The following PATJ variants were observed in gnomAD, a reference collection of about 807,000 sequenced individuals.
PATJ encodes inaD-like protein.
In PATJ, 190 loss-of-function variants were observed where a neutral mutation model predicts 224.9. The observed-to-expected ratio is 0.84, with a 90% CI of 0.75 to 0.95. The LOEUF (loss-of-function observed/expected upper bound fraction) is 0.95. Among genes scored for constraint, PATJ ranks in the 40% least tolerant of loss-of-function variants. PATJ has a pLI of 0.00. For synonymous variants in PATJ, 769 were observed against 820.3 expected, an observed-to-expected ratio of 0.94 and a Z score of 1.07; for missense variants, 2,121 against 2,270.3, an observed-to-expected ratio of 0.93 and a Z score of 1.34.
Position 62,108,466 on chromosome 1 carries a change from A to AG in PATJ, c.4408dup (p.Glu1470GlyfsTer14), listed in dbSNP as rs1178497159. On this transcript the variant is annotated frameshift_variant, in exon 34 of 44. Transcript: ENST00000642238. LOFTEE classifies it high-confidence loss of function. ...CTATAGTTATCCATGAAGTCTATGA[A>AG]GAAGGGGCAGCAGCCAGAGATGGAA... 3 of 1,610,268 alleles carry AG rather than the reference A, an allele frequency of 1.9e-6. No individual in the cohort carries two copies. The African/African-American group carries it at 4.0e-5, about 21-fold the overall frequency.
In PATJ at chr1:62,144,769, A is replaced by ATATATATATATAT. The variant is rs1180544696; in HGVS notation, c.5272-3515_5272-3514insTATATATATATAT. Among the ~76,000 whole-genome samples the ATATATATATATAT allele has an allele frequency of 5.3e-4, 31 of 58,692 alleles. 1 individual carries two copies. The highest frequency in any genetic ancestry group is 1.8e-3 in the African/African-American group (28 of 15,238). The allele number at this position is 58,692 out of a possible 152,430, so 38.5% of individuals were successfully genotyped here. ...AAATGCTCTAGAATGTTATTTGCAA[A>ATATATATATATAT]AAAAAAAAATATATATATATATATA... On this transcript the variant is annotated intron_variant, in intron 41 of 43. Coordinates refer to ENST00000642238, the MANE Select transcript of PATJ (RefSeq NM_001350145.3).
chr1:62,123,403 T>C (rs1665320987), intron 39 of PATJ, among the ~76,000 whole-genome samples: 1 of 151,770 alleles, frequency 6.6e-6, no homozygotes, highest in Non-Finnish European at 1.5e-5. Context: ...AAGTATTTTT[T>C]GAGAGCATAT....
intron 28 of PATJ, among the ~76,000 whole-genome samples, chr1:62,008,750 A>AAAAT (rs753015582): frequency 2.5e-4 from 38 of 152,304 alleles, no homozygotes; most frequent in East Asian, 1.2e-3. Flanking sequence ...CCCTGACTCA[A>AAAAT]AAATAAATAA....
intron 17 of PATJ, 96 bp downstream of exon 17, chr1:61,833,881 G>A: frequency 9.1e-7 from 1 of 1,094,510 alleles, no homozygotes; most frequent in South Asian, 1.7e-5. Context: ...ATTGACTTAA[G>A]CAAAACTGAA....
At chr1:61,826,493 G>A (rs1279558405) in intron 15 of PATJ, among the ~76,000 whole-genome samples, 1 of 152,198 alleles carries the variant, frequency 6.6e-6, no homozygotes, top group Non-Finnish European at 1.5e-5. Context: ...TTCTGTTCAT[G>A]CCTCAGCTTT....
intron 39 of PATJ, 138 bp from the exon 40 acceptor site, chr1:62,127,834 G>T: frequency 5.4e-6 from 4 of 745,966 alleles, no homozygotes; most frequent in Non-Finnish European, 8.5e-6. Flanking sequence ...CTACTCCAAA[G>T]GTTCCACATT....
chr1:61,854,228 T>G (rs1320570975), intron 17 of PATJ, among the ~76,000 whole-genome samples: 1 of 152,208 alleles, frequency 6.6e-6, no homozygotes, highest in Non-Finnish European at 1.5e-5. Context: ...GCAGTTTTTC[T>G]CTACTTTCTC....
At chr1:61,746,697 G>A (rs925117546) in intron 1 of PATJ, among the ~76,000 whole-genome samples, 5 of 152,078 alleles carry the variant, frequency 3.3e-5, no homozygotes, top group African/African-American at 7.2e-5. Flanking sequence ...TAATGAAACC[G>A]TAATAAGTTT....
At chr1:61,776,194 G>A (rs1646904136) in intron 7 of PATJ, among the ~76,000 whole-genome samples, 1 of 152,228 alleles carries the variant, frequency 6.6e-6, no homozygotes, top group African/African-American at 2.4e-5. Context: ...CAGCTCCTAA[G>A]AGTATTTATT....
At chr1:61,890,080 T>C (rs72676231) in intron 22 of PATJ, among the ~76,000 whole-genome samples, 3,381 of 152,322 alleles carry the variant, frequency 0.022, 66 homozygotes, top group Non-Finnish European at 0.033. Flanking sequence ...TTATGAGTGA[T>C]GTTCATATCT....
intron 27 of PATJ, among the ~76,000 whole-genome samples, chr1:61,959,258 A>G (rs992123157): frequency 6.6e-5 from 10 of 152,098 alleles, no homozygotes; most frequent in Non-Finnish European, 1.2e-4. Context: ...GGGATTACAT[A>G]GCAGATAATA....
At position 61,847,487 on chromosome 1, in the gene PATJ, A is replaced by T. The variant is rs149771523; in HGVS notation, c.2113-8543A>T. Among the ~76,000 whole-genome samples, 12 of 152,310 alleles carry T rather than the reference A, an allele frequency of 7.9e-5. No homozygotes were observed. The East Asian group carries it at 1.4e-3, about 17-fold the overall frequency. On this transcript the variant is annotated intron_variant, in intron 17 of 43. Coordinates refer to ENST00000642238, the MANE Select transcript of PATJ (RefSeq NM_001350145.3). The stretch of plus-strand genomic sequence containing the variant: ...GTTTAGGAAGTAATAAGACACAAGG[A>T]GCCAGGAACCGTATCAGTTTAATCT...
In PATJ at chr1:61,970,291, T is replaced by TC. The variant is rs149756660; in HGVS notation, c.3671-19872dup. On this transcript the variant is annotated intron_variant, in intron 27 of 43. Transcript: ENST00000642238. ...AGCAGAAAGTAGAGTTCCCAATACC[T>TC]CCCCCACCGACACACGGGCAACCTC... Among the ~76,000 whole-genome samples, 1,450 of 151,392 alleles carry TC rather than the reference T, an allele frequency of 9.6e-3. 26 individuals carry two copies. Among genetic ancestry groups the TC allele is most frequent in the African/African-American group, 0.033 (1,343 of 41,188 alleles).
At chr1:61,928,894 G>A (rs537144092) in intron 27 of PATJ, among the ~76,000 whole-genome samples, 5 of 151,980 alleles carry the variant, frequency 3.3e-5, no homozygotes, top group Admixed American at 3.3e-4. Context: ...GCCCTTTCTC[G>A]TGTCATTTTC....
chr1:61,822,544 G>A (rs1342795630), intron 14 of PATJ, among the ~76,000 whole-genome samples: 1 of 152,160 alleles, frequency 6.6e-6, no homozygotes, highest in Non-Finnish European at 1.5e-5. Context: ...TGAACTCAGG[G>A]CTTCCTGCCA....
chr1:61,811,799 C>T (rs924599671), intron 14 of PATJ, among the ~76,000 whole-genome samples: 1 of 151,050 alleles, frequency 6.6e-6, no homozygotes, highest in Admixed American at 6.6e-5. Flanking sequence ...CGGTGGCTCA[C>T]GCCTGTAATC....
At position 62,110,867 on chromosome 1, in the gene PATJ, C is replaced by G. The variant is rs184312743; in HGVS notation, c.4461+2347C>G. 1.6e-3 allele frequency among the ~76,000 whole-genome samples: 243 copies of G among 152,284 alleles called. 2 individuals are homozygous for G. Among genetic ancestry groups the G allele is most frequent in the African/African-American group, 5.6e-3 (233 of 41,568 alleles). On this transcript the variant is annotated intron_variant, in intron 34 of 43. Coordinates refer to ENST00000642238, the MANE Select transcript of PATJ (RefSeq NM_001350145.3). ...GGAGCCTTTCTTCTCAAATAGGAAGCCCTGCTATTTCCACCCCTCTTCCTC... is the reference window on the plus strand; with the variant it reads ...GGAGCCTTTCTTCTCAAATAGGAAGGCCTGCTATTTCCACCCCTCTTCCTC...
intron 12 of PATJ, among the ~76,000 whole-genome samples, 190 bp downstream of exon 12, chr1:61,801,959 T>C (rs948381634): frequency 2.0e-5 from 3 of 151,462 alleles, no homozygotes; most frequent in African/African-American, 7.3e-5. Context: ...AATTGTACTT[T>C]AAGTTCTAGG....
At chr1:62,146,743 C>T (rs1668080317) in intron 41 of PATJ, among the ~76,000 whole-genome samples, 2 of 152,002 alleles carry the variant, frequency 1.3e-5, no homozygotes, top group African/African-American at 2.4e-5. Context: ...CGCCATTGCA[C>T]TCCAGCCTGG....
Sources: allele counts gnomAD v4.1 joint callset (sites outside exome capture counted in the v4.1 genomes callset), GRCh38; gene constraint gnomAD v4.1.1; transcripts MANE v1.5; gene names NCBI Gene and HGNC (gene_info 2026-07-23, HGNC 2026-07-21).